Variants in AOX1 observed in about 807,000 individuals in gnomAD.
The protein encoded by AOX1 is aldehyde oxidase 1.
A neutral mutation model predicts 169.5 loss-of-function variants in AOX1; 153 were observed. That is an observed-to-expected ratio of 0.90 (90% CI 0.79 to 1.03). The LOEUF is 1.03. Among genes scored for constraint, AOX1 ranks in the 50% least tolerant of loss-of-function variants. AOX1 has a pLI of 0.00. For missense variants in AOX1, 1,656 were observed against 1,663.9 expected (o/e 1.00, Z 0.08); for synonymous variants, 562 against 581.9 (o/e 0.97, Z 0.49).
intron 7 of AOX1, among the ~76,000 whole-genome samples, chr2:200,603,754 G>T (rs1311943683): frequency 6.6e-6 from 1 of 152,204 alleles, no homozygotes; most frequent in Non-Finnish European, 1.5e-5. Flanking sequence ...TGCGGCTGCT[G>T]CCTCCTCTTC....
chr2:200,590,609 G>A (rs1365060816), intron 1 of AOX1, among the ~76,000 whole-genome samples: 1 of 152,052 alleles, frequency 6.6e-6, no homozygotes, highest in Non-Finnish European at 1.5e-5. Context: ...CAAACTGGTG[G>A]GACTTTGAGC....
At chr2:200,639,594 G>A (rs972447024) in intron 23 of AOX1, among the ~76,000 whole-genome samples, 1 of 152,080 alleles carries the variant, frequency 6.6e-6, no homozygotes, top group Non-Finnish European at 1.5e-5. Flanking sequence ...ATTTGTTACA[G>A]TAAACTTCAT....
At chr2:200,621,856 G>A (rs980938748) in intron 18 of AOX1, among the ~76,000 whole-genome samples, 2 of 152,198 alleles carry the variant, frequency 1.3e-5, no homozygotes, top group South Asian at 2.1e-4. Flanking sequence ...GGGTTCAAGC[G>A]ATTCTCCTGC....
At position 200,593,208 on chromosome 2, in the gene AOX1, C is replaced by A. The variant is rs752175161; in HGVS notation, c.103+5C>A. On this transcript the variant is annotated splice_donor_5th_base_variant and intron_variant, in intron 2 of 34. Coordinates refer to ENST00000374700, the MANE Select transcript of AOX1 (RefSeq NM_001159.4). The stretch of plus-strand genomic sequence containing the variant: ...TGCCTTATTTGAGGAAGAAGCGTAT[C>A]CTTTTCTTTACTTTGACTGTGTATG... The A allele has an allele frequency of 1.9e-6, 3 of 1,612,492 alleles. No homozygotes were observed. Among genetic ancestry groups the A allele is most frequent in the Admixed American group, 3.3e-5 (2 of 60,010 alleles).
chr2:200,627,331 C>T, intron 19 of AOX1, 22 bp from the exon 20 acceptor site: 1 of 1,576,224 alleles, frequency 6.3e-7, no homozygotes. Flanking sequence ...CAAGCTGCCT[C>T]ATTCCTCTGT....
At chr2:200,661,652 C>T in intron 30 of AOX1, 21 bp downstream of exon 30, 1 of 1,581,990 alleles carries the variant, frequency 6.3e-7, no homozygotes, top group Non-Finnish European at 8.7e-7. Context: ...CCTCTGATCA[C>T]ATGCTATGGA....
chr2:200,646,892 G>A lies in AOX1; in HGVS notation c.2848-4082G>A, dbSNP rs565688994. ...TCAGACAGAATAGCTACTCCTGCTC[G>A]CTTTTGGTGTCCATGTGCACGAATT... is the stretch of plus-strand genomic sequence containing the variant. On this transcript the variant is annotated intron_variant, in intron 25 of 34. Transcript: ENST00000374700. Among the ~76,000 whole-genome samples the A allele has an allele frequency of 6.6e-5, 10 of 152,126 alleles. No homozygotes were observed. The East Asian group carries it at 1.7e-3, about 26-fold the overall frequency.
intron 4 of AOX1, among the ~76,000 whole-genome samples, chr2:200,599,092 C>A (rs1559231711): frequency 6.6e-6 from 1 of 152,100 alleles, no homozygotes; most frequent in Non-Finnish European, 1.5e-5. Context: ...TCGACTTGAA[C>A]CTTAGAAGTT....
intron 26 of AOX1, among the ~76,000 whole-genome samples, chr2:200,654,296 C>G (rs1039554451): frequency 1.3e-5 from 2 of 151,428 alleles, no homozygotes; most frequent in African/African-American, 4.9e-5. Flanking sequence ...GGTTAGTCAG[C>G]AGCCATCAAC....
intron 10 of AOX1, 88 bp downstream of exon 10, chr2:200,605,716 T>G (rs1212582252): frequency 1.4e-5 from 8 of 570,512 alleles, no homozygotes; most frequent in Non-Finnish European, 2.4e-5. Flanking sequence ...AAAGAATGAT[T>G]CCTAATTATA....
intron 3 of AOX1, among the ~76,000 whole-genome samples, chr2:200,595,880 G>C (rs2034273814): frequency 6.6e-6 from 1 of 152,106 alleles, no homozygotes; most frequent in African/African-American, 2.4e-5. Context: ...AGAGTGACCT[G>C]CTTTAATTAT....
At chr2:200,660,198 A>C in intron 29 of AOX1, 129 bp downstream of exon 29, 1 of 737,796 alleles carries the variant, frequency 1.4e-6, no homozygotes. Flanking sequence ...TGTAATGATA[A>C]ATAAAAGGCC....
intron 19 of AOX1, among the ~76,000 whole-genome samples, chr2:200,627,012 G>A (rs188429979): frequency 2.4e-4 from 37 of 152,346 alleles, no homozygotes; most frequent in Admixed American, 7.2e-4. Flanking sequence ...AGGCTCTGAA[G>A]CCCTGTGCTG....
intron 1 of AOX1, among the ~76,000 whole-genome samples, chr2:200,589,625 GT>G (rs1235564285): frequency 2.6e-5 from 4 of 151,674 alleles, no homozygotes; most frequent in African/African-American, 9.7e-5. Flanking sequence ...CAGGGTGGGT[GT>G]ACACAGTAAA....
rs753341782 is a variant in AOX1, at chr2:200,627,381, A to T, written c.2153A>T (p.Lys718Met). 6.8e-6 allele frequency: 11 copies of T among 1,613,686 alleles called. 1 individual carries two copies. The South Asian group carries it at 1.2e-4, about 18-fold the overall frequency. Residue 718 changes from lysine (K) to methionine (M), a missense_variant, in exon 20 of 35, where the codon AAG (lysine) becomes ATG (methionine). By Grantham distance (95) the Lys-to-Met change is moderately conservative. Transcript: ENST00000374700. ...AGTATACAACACAACTCCTCCTTCA[A>T]GCCAGAAAGGAAACTGGAATATGGA... ...EESIQHNSSFKPERKLEYGNV... is the reference protein window; with the variant it reads ...EESIQHNSSFMPERKLEYGNV...
At chr2:200,630,489 C>T (rs1044891601) in intron 20 of AOX1, among the ~76,000 whole-genome samples, 2 of 148,430 alleles carry the variant, frequency 1.3e-5, no homozygotes, top group African/African-American at 5.0e-5. Context: ...GGCCACTGTA[C>T]TCCAGCCTGA....
rs1388838100 is a variant in AOX1 at position 200,599,666 on chromosome 2, C to G, written c.356C>G (p.Pro119Arg). 3.1e-6 allele frequency: 5 copies of G among 1,612,638 alleles called. No homozygotes were observed. The change falls in exon 5 of 35, where the codon CCT becomes CGT. Residue 119 changes from proline to arginine, a missense_variant. Physicochemically the swap from Pro to Arg is moderately radical, Grantham distance 103 (BLOSUM62 -2). Coordinates refer to ENST00000374700, the MANE Select transcript of AOX1 (RefSeq NM_001159.4). ...GGCACCCAGTGTGGCTTCTGCACAC[C>G]TGGGATGGTGATGTCCATCTACACG... ...CHGTQCGFCT[P>R]GMVMSIYTLL... is the part of the protein sequence containing the mutation.
chr2:200,621,288 G>A, intron 18 of AOX1, 42 bp downstream of exon 18: 1 of 1,599,280 alleles, frequency 6.3e-7, no homozygotes, highest in South Asian at 1.1e-5. Flanking sequence ...AACTTTCTCA[G>A]TTAACGGTGC....
chr2:200,659,306 G>A lies in AOX1; in HGVS notation c.3300+13G>A. On this transcript the variant is annotated intron_variant, in intron 28 of 34. Transcript: ENST00000374700. ...TTTGGCAGTAAAGGTAACAGTCACT[G>A]CAGTGGCGTCCAAATCATTAACTCC... 6.2e-7 allele frequency: 1 copy of A among 1,609,242 alleles called. No homozygotes were observed. Among genetic ancestry groups the A allele is most frequent in the Non-Finnish European group, 8.5e-7 (1 of 1,177,688 alleles).
Sources: allele counts gnomAD v4.1 joint callset (sites outside exome capture counted in the v4.1 genomes callset), GRCh38; gene constraint gnomAD v4.1.1; transcripts MANE v1.5; gene names NCBI Gene and HGNC (gene_info 2026-07-23, HGNC 2026-07-21).